KCTD1: variants seen among roughly 807,000 people sequenced by gnomAD.
KCTD1 encodes the protein potassium channel tetramerization domain containing 1, also known as BTB/POZ domain-containing protein KCTD1.
Under a neutral mutation model 66.0 loss-of-function variants are expected in KCTD1, and 24 were observed. That is an observed-to-expected ratio of 0.36 (90% CI 0.26 to 0.51). KCTD1 has a LOEUF of 0.51. Ranked by LOEUF, KCTD1 falls within the 20% of genes least tolerant of loss-of-function variation. The pLI, the probability that KCTD1 is intolerant of heterozygous loss-of-function variation, is 0.95. For missense variants in KCTD1, 943 were observed against 1,205.2 expected (o/e 0.78, Z 3.22); for synonymous variants, 511 against 517.2 (o/e 0.99, Z 0.16).
intron 1 of KCTD1, among the ~76,000 whole-genome samples, chr18:26,624,525 T>A (rs500326): frequency 2.0e-5 from 3 of 152,258 alleles, no homozygotes; most frequent in Admixed American, 2.0e-4. Flanking sequence ...CAAGCCTTGG[T>A]GGCTTCCATG....
At chr18:26,573,034 T>G (rs1395462152) in intron 1 of KCTD1, among the ~76,000 whole-genome samples, 1 of 152,100 alleles carries the variant, frequency 6.6e-6, no homozygotes, top group Non-Finnish European at 1.5e-5. Context: ...CCCCCTTTTT[T>G]TTTTTGAGAC....
At chr18:26,656,468 G>C (rs937572011) in intron 1 of KCTD1, among the ~76,000 whole-genome samples, 1 of 151,792 alleles carries the variant, frequency 6.6e-6, no homozygotes, top group African/African-American at 2.4e-5. Context: ...GAGGGCTGGA[G>C]ATGGGAGGGA....
intron 1 of KCTD1, among the ~76,000 whole-genome samples, chr18:26,518,079 T>A (rs1289122468): frequency 1.3e-5 from 2 of 152,148 alleles, no homozygotes; most frequent in African/African-American, 4.8e-5. Flanking sequence ...TACACCCCCA[T>A]CTCTAGCACA....
intron 1 of KCTD1, among the ~76,000 whole-genome samples, chr18:26,628,725 T>G (rs1449331678): frequency 6.6e-6 from 1 of 152,158 alleles, no homozygotes; most frequent in Non-Finnish European, 1.5e-5. Flanking sequence ...CATTAGAAAT[T>G]TCATCCTAAA....
upstream of KCTD1, among the ~76,000 whole-genome samples, chr18:26,644,526 AG>A (rs563695147): frequency 2.6e-3 from 403 of 152,206 alleles, 2 homozygotes; most frequent in African/African-American, 9.5e-3. Context: ...CAGGAGGCCA[AG>A]GCGGGCAGAT....
chr18:26,650,933 G>A (rs562470540), intron 1 of KCTD1, among the ~76,000 whole-genome samples: 1 of 152,306 alleles, frequency 6.6e-6, no homozygotes, highest in East Asian at 1.9e-4. Context: ...TAATAGCAGC[G>A]TTGGTGTCGG....
chr18:26,577,254 C>T (rs1226605080), intron 1 of KCTD1, among the ~76,000 whole-genome samples: 3 of 152,200 alleles, frequency 2.0e-5, no homozygotes, highest in African/African-American at 7.2e-5. Context: ...CCATCACTGT[C>T]AAGGTTTATG....
At chr18:26,644,766 AAGAGAG>A (rs538078418), upstream of KCTD1, among the ~76,000 whole-genome samples, 12 of 149,956 alleles carry the variant, frequency 8.0e-5, no homozygotes, top group Admixed American at 2.0e-4. Context: ...AAAAAAAAAA[AAGAGAG>A]AGAGAGAGAG....
At chr18:26,502,328 G>C (rs761796303) in intron 1 of KCTD1, among the ~76,000 whole-genome samples, 10 of 152,194 alleles carry the variant, frequency 6.6e-5, no homozygotes, top group East Asian at 3.9e-4. Flanking sequence ...GGATTACAGG[G>C]GTGAGCCACC....
chr18:26,512,150 C>A (rs2144716909), intron 1 of KCTD1, among the ~76,000 whole-genome samples: 1 of 152,200 alleles, frequency 6.6e-6, no homozygotes, highest in South Asian at 2.1e-4. Context: ...GTTGCCCAGG[C>A]TGGAGTGCAG....
At chr18:26,624,342 T>C (rs536582936) in intron 1 of KCTD1, among the ~76,000 whole-genome samples, 7 of 152,282 alleles carry the variant, frequency 4.6e-5, no homozygotes, top group African/African-American at 1.7e-4. Context: ...ATGGCAGCCA[T>C]TCCCATCACA....
At chr18:26,584,276 C>T (rs371444668) in intron 1 of KCTD1, among the ~76,000 whole-genome samples, 30 of 151,950 alleles carry the variant, frequency 2.0e-4, no homozygotes, top group African/African-American at 4.1e-4. Flanking sequence ...ATGTGCTGCA[C>T]GTATAAAATA....
intron 1 of KCTD1, among the ~76,000 whole-genome samples, chr18:26,586,582 C>T (rs1007763404): frequency 2.0e-5 from 3 of 152,144 alleles, no homozygotes; most frequent in African/African-American, 7.2e-5. Flanking sequence ...TGTTGATGGT[C>T]GAACTAGGTA....
At chr18:26,548,960 G>C (rs1395057382), upstream of KCTD1, 3 of 985,916 alleles carry the variant, frequency 3.0e-6, no homozygotes, top group Non-Finnish European at 3.6e-6. Flanking sequence ...GGACGGTCTC[G>C]TTTCTCTAAG....
chr18:26,642,885 T>A (rs1034609348), upstream of KCTD1, among the ~76,000 whole-genome samples: 2 of 29,630 alleles, frequency 6.7e-5, no homozygotes, highest in African/African-American at 1.4e-4. Flanking sequence ...GCGGGGAGGG[T>A]GGGAGGGCGG....
At chr18:26,508,174 T>A (rs565191511) in intron 1 of KCTD1, among the ~76,000 whole-genome samples, 5 of 152,342 alleles carry the variant, frequency 3.3e-5, no homozygotes, top group Non-Finnish European at 5.9e-5. Flanking sequence ...AATTCTCTAA[T>A]TCCTCTTTTC....
intron 1 of KCTD1, among the ~76,000 whole-genome samples, chr18:26,593,209 T>G (rs770062886): frequency 1.3e-5 from 2 of 152,118 alleles, no homozygotes; most frequent in Non-Finnish European, 2.9e-5. Flanking sequence ...CCAGAACATT[T>G]AGCTTGGCCA....
At chr18:26,532,019 G>A (rs1984456902) in intron 1 of KCTD1, among the ~76,000 whole-genome samples, 1 of 152,192 alleles carries the variant, frequency 6.6e-6, no homozygotes, top group African/African-American at 2.4e-5. Context: ...GAGAGTGGTA[G>A]TTGGAAGGAA....
intron 1 of KCTD1, among the ~76,000 whole-genome samples, chr18:26,532,274 T>TGAGACAGGGCC (rs1567982931): frequency 2.9e-5 from 4 of 138,970 alleles, no homozygotes; most frequent in Non-Finnish European, 3.1e-5. Flanking sequence ...TTTTTTTTTT[T>TGAGACAGGGCC]TTTTTTTTTT....
Sources: gnomAD v4.1 joint callset for allele counts (sites outside exome capture counted in the v4.1 genomes callset) on GRCh38, gnomAD v4.1.1 for gene constraint, MANE v1.5 for transcripts, NCBI Gene and HGNC (gene_info 2026-07-23, HGNC 2026-07-21) for gene names.